The following NNT variants were observed in gnomAD, a reference collection of about 807,000 sequenced individuals.
NNT encodes the protein NAD(P) transhydrogenase, mitochondrial.
Under a neutral mutation model 104.8 loss-of-function variants are expected in NNT, and 50 were observed. The observed-to-expected ratio is 0.48, with a 90% CI of 0.38 to 0.60. NNT has a LOEUF of 0.60. Ranked by LOEUF, NNT falls within the 20% of genes least tolerant of loss-of-function variation. NNT has a pLI of 0.00. For synonymous variants in NNT, 461 were observed against 490.4 expected (o/e 0.94, Z 0.79); for missense variants, 1,131 against 1,330.7 (o/e 0.85, Z 2.33).
At chr5:43,648,999 CT>C (rs1364604998) in intron 10 of NNT, 147 bp from the exon 11 acceptor site, 1 of 897,608 alleles carries the variant, frequency 1.1e-6, no homozygotes, top group Non-Finnish European at 1.7e-6. Flanking sequence ...CACTTCTCAA[CT>C]GTCAAATGTC....
chr5:43,671,293 A>G (rs1741067838), intron 17 of NNT, among the ~76,000 whole-genome samples: 2 of 152,114 alleles, frequency 1.3e-5, no homozygotes, highest in Non-Finnish European at 2.9e-5. Context: ...ATTTAAGGTT[A>G]ATATTGTTAT....
intron 1 of NNT, among the ~76,000 whole-genome samples, chr5:43,607,215 G>A (rs578068545): frequency 6.3e-4 from 96 of 152,268 alleles, no homozygotes; most frequent in Middle Eastern, 3.4e-3. Context: ...TGATCTGCAC[G>A]TATACATCCA....
chr5:43,662,777 C>T (rs1469635930), intron 17 of NNT, among the ~76,000 whole-genome samples: 1 of 151,850 alleles, frequency 6.6e-6, no homozygotes, highest in African/African-American at 2.4e-5. Context: ...CCTATAGTCC[C>T]AGCTACTTGG....
intron 7 of NNT, among the ~76,000 whole-genome samples, chr5:43,638,992 C>T (rs1300844223): frequency 6.6e-6 from 1 of 151,970 alleles, no homozygotes; most frequent in Non-Finnish European, 1.5e-5. Flanking sequence ...CAAAAAGATA[C>T]AATATATTAC....
chr5:43,668,972 GT>G (rs1311992053), intron 17 of NNT, among the ~76,000 whole-genome samples: 1 of 152,166 alleles, frequency 6.6e-6, no homozygotes, highest in Non-Finnish European at 1.5e-5. Flanking sequence ...CTGGTTTGTA[GT>G]TCTCCTTGAA....
chr5:43,653,820 T>C (rs1739897439), intron 14 of NNT, among the ~76,000 whole-genome samples: 1 of 152,034 alleles, frequency 6.6e-6, no homozygotes, highest in Non-Finnish European at 1.5e-5. Context: ...TTGGGCATGG[T>C]GGCGTACAAC....
At chr5:43,691,316 C>G (rs1484650342) in intron 19 of NNT, among the ~76,000 whole-genome samples, 1 of 152,174 alleles carries the variant, frequency 6.6e-6, no homozygotes, top group Admixed American at 6.5e-5. Flanking sequence ...GTTGGCCAGG[C>G]TGGTCTTGAA....
chr5:43,675,045 A>G (rs1025837005), intron 17 of NNT, among the ~76,000 whole-genome samples: 1 of 152,112 alleles, frequency 6.6e-6, no homozygotes, highest in Non-Finnish European at 1.5e-5. Context: ...TATTTTCTTG[A>G]TGACAGAGGG....
intron 1 of NNT, among the ~76,000 whole-genome samples, chr5:43,605,736 A>G (rs1031927911): frequency 2.6e-5 from 4 of 152,142 alleles, no homozygotes; most frequent in African/African-American, 9.7e-5. Context: ...AATATTCTCT[A>G]TCTTTCAGGG....
At chr5:43,603,775 C>T (rs2111727189) in intron 1 of NNT, among the ~76,000 whole-genome samples, 1 of 152,038 alleles carries the variant, frequency 6.6e-6, no homozygotes, top group East Asian at 1.9e-4. Flanking sequence ...TATGCTTGAC[C>T]CTTGAGGGAG....
At chr5:43,644,945 T>G in intron 9 of NNT, 143 bp downstream of exon 9, 1 of 621,752 alleles carries the variant, frequency 1.6e-6, no homozygotes, top group Non-Finnish European at 2.5e-6. Flanking sequence ...AAAAATTATT[T>G]GTAAATGCAG....
At chr5:43,690,525 T>C (rs1194948567) in intron 19 of NNT, among the ~76,000 whole-genome samples, 1 of 152,180 alleles carries the variant, frequency 6.6e-6, no homozygotes, top group Non-Finnish European at 1.5e-5. Flanking sequence ...CAATATTACT[T>C]TTAATACCTC....
intron 6 of NNT, among the ~76,000 whole-genome samples, chr5:43,625,545 A>G (rs1414649229): frequency 6.6e-6 from 1 of 152,064 alleles, no homozygotes; most frequent in East Asian, 1.9e-4. Context: ...TGTATTGGAA[A>G]ACATACTTGA....
At chr5:43,628,133 A>T in intron 6 of NNT, 67 bp from the exon 7 acceptor site, 1 of 1,224,646 alleles carries the variant, frequency 8.2e-7, no homozygotes, top group Non-Finnish European at 1.1e-6. Flanking sequence ...GTATATGTAA[A>T]TGATGATCTT....
chr5:43,647,547 T>A (rs1023263889), intron 10 of NNT, among the ~76,000 whole-genome samples: 1 of 152,224 alleles, frequency 6.6e-6, no homozygotes, highest in South Asian at 2.1e-4. Flanking sequence ...TTCTTTTATA[T>A]GTATCAGGAA....
rs942011276 is a variant in NNT at position 43,603,788 on chromosome 5, C to T, written c.-54+494C>T. Among the ~76,000 whole-genome samples, 8 of 151,910 alleles carry T rather than the reference C, an allele frequency of 5.3e-5. 1 individual carries two copies. Among genetic ancestry groups the T allele is most frequent in the Admixed American group, 2.0e-4 (3 of 15,260 alleles). Reference sequence around the variant, plus strand: ...GGTATGCTTGACCCTTGAGGGAGTTCGGAGAGGGTGTCCGGCTGGGGACAT... The same window carrying T: ...GGTATGCTTGACCCTTGAGGGAGTTTGGAGAGGGTGTCCGGCTGGGGACAT... On this transcript the variant is annotated intron_variant, in intron 1 of 21. Coordinates refer to ENST00000344920, the MANE Select transcript of NNT (RefSeq NM_182977.3).
intron 10 of NNT, chr5:43,648,132 A>G: frequency 7.6e-6 from 9 of 1,178,964 alleles, no homozygotes; most frequent in Non-Finnish European, 9.6e-6. Flanking sequence ...TAACTCTCTC[A>G]CCAGATGGTT....
At chr5:43,683,966 G>A (rs1282727507) in intron 19 of NNT, among the ~76,000 whole-genome samples, 1 of 152,154 alleles carries the variant, frequency 6.6e-6, no homozygotes, top group Non-Finnish European at 1.5e-5. Context: ...TCCTCAGGAT[G>A]GAAAAGGTAG....
chr5:43,656,642 C>T lies in NNT; in HGVS notation c.2294-11C>T. 1 of 1,600,086 alleles carries T rather than the reference C, an allele frequency of 6.2e-7. No homozygotes were observed. The highest frequency in any genetic ancestry group is 8.5e-7 in the Non-Finnish European group (1 of 1,175,442). On this transcript the variant is annotated splice_polypyrimidine_tract_variant and intron_variant, in intron 15 of 21. Transcript: ENST00000344920. The stretch of plus-strand genomic sequence containing the variant: ...CATTCTGAATTGTAACTACTATGTG[C>T]TTGGCTCTAGGTCTCCTGAAATCTG...
Sources: gnomAD v4.1 joint callset for allele counts (sites outside exome capture counted in the v4.1 genomes callset) on GRCh38, gnomAD v4.1.1 for gene constraint, MANE v1.5 for transcripts, NCBI Gene and HGNC (gene_info 2026-07-23, HGNC 2026-07-21) for gene names.